The following PTPRT variants were observed in gnomAD, a reference collection of about 807,000 sequenced individuals.
PTPRT encodes the protein receptor-type tyrosine-protein phosphatase T.
Under a neutral mutation model 176.8 loss-of-function variants are expected in PTPRT, and 56 were observed. The ratio of observed to expected loss-of-function variants is 0.32; its 90% CI spans 0.26 to 0.40. The LOEUF (loss-of-function observed/expected upper bound fraction) is 0.40, where lower values mean the gene tolerates loss of function less well. PTPRT is among the 10% of genes least tolerant of loss of function. The pLI is 1.00. For missense variants in PTPRT, 1,540 were observed against 1,908.2 expected, an observed-to-expected ratio of 0.81 and a Z score of 3.60; for synonymous variants, 783 against 739.0, an observed-to-expected ratio of 1.06 and a Z score of -0.96.
At chr20:42,971,701 C>G (rs928006226) in intron 1 of PTPRT, among the ~76,000 whole-genome samples, 1 of 152,174 alleles carries the variant, frequency 6.6e-6, no homozygotes, top group African/African-American at 2.4e-5. Flanking sequence ...CCCCTACCCA[C>G]GGATACCAGG....
intron 1 of PTPRT, among the ~76,000 whole-genome samples, chr20:43,100,867 G>A (rs2146324580): frequency 6.6e-6 from 1 of 151,174 alleles, no homozygotes; most frequent in East Asian, 1.9e-4. Flanking sequence ...ACATAAACGT[G>A]TCTATCACTC....
chr20:42,893,875 T>G lies in PTPRT; in HGVS notation c.89-7943A>C, dbSNP rs374218821. ...GGGGACTGTTGTGGGGTGGGGGGAG[T>G]GGGGAGGGATAGCATTAGGAGATAT... On this transcript the variant is annotated intron_variant, in intron 1 of 30. Coordinates refer to ENST00000373187, the MANE Select transcript of PTPRT (RefSeq NM_007050.6). Among the ~76,000 whole-genome samples, 50 of 134,920 alleles carry G rather than the reference T, an allele frequency of 3.7e-4. 1 individual carries two copies. The highest frequency in any genetic ancestry group is 2.7e-3 in the East Asian group (12 of 4,490). 88.5% of individuals were successfully genotyped at this position (134,920 alleles called of 152,430 possible).
chr20:42,437,509 G>A (rs1183183036), intron 9 of PTPRT, among the ~76,000 whole-genome samples: 3 of 152,190 alleles, frequency 2.0e-5, no homozygotes, highest in Admixed American at 1.3e-4. Context: ...CAAGAAAGCA[G>A]TGAATTTTCT....
chr20:42,196,115 C>A (rs1991208037), intron 16 of PTPRT, among the ~76,000 whole-genome samples: 1 of 152,172 alleles, frequency 6.6e-6, no homozygotes, highest in South Asian at 2.1e-4. Context: ...TGGCCATAAT[C>A]ATTTTGCTTT....
intron 12 of PTPRT, among the ~76,000 whole-genome samples, chr20:42,296,487 G>A (rs2057389485): frequency 6.6e-6 from 1 of 150,706 alleles, no homozygotes; most frequent in Non-Finnish European, 1.5e-5. Flanking sequence ...AAGAACAAAG[G>A]TAACTACTAG....
intron 15 of PTPRT, among the ~76,000 whole-genome samples, chr20:42,206,186 A>G (rs1023587936): frequency 6.6e-6 from 1 of 152,176 alleles, no homozygotes; most frequent in African/African-American, 2.4e-5. Flanking sequence ...GCAAAACTTT[A>G]TTCATCTATG....
chr20:42,558,335 G>A (rs1021723168), intron 7 of PTPRT, among the ~76,000 whole-genome samples: 1 of 152,064 alleles, frequency 6.6e-6, no homozygotes, highest in African/African-American at 2.4e-5. Context: ...CTTTTGTATG[G>A]TACATGTACC....
intron 13 of PTPRT, among the ~76,000 whole-genome samples, chr20:42,274,040 A>G (rs2056984077): frequency 6.6e-6 from 1 of 152,210 alleles, no homozygotes; most frequent in African/African-American, 2.4e-5. Flanking sequence ...TGGATCATGG[A>G]TCTCAGCAAA....
intron 13 of PTPRT, among the ~76,000 whole-genome samples, chr20:42,251,116 G>T (rs1233585098): frequency 1.3e-5 from 2 of 152,216 alleles, no homozygotes; most frequent in African/African-American, 2.4e-5. Flanking sequence ...GAGAATCTCA[G>T]ATCCAAATTT....
intron 1 of PTPRT, among the ~76,000 whole-genome samples, chr20:43,095,416 T>C (rs2012092131): frequency 6.6e-6 from 1 of 152,068 alleles, no homozygotes; most frequent in Non-Finnish European, 1.5e-5. Flanking sequence ...GGGTTCAGAA[T>C]TCAGCACCTG....
intron 7 of PTPRT, among the ~76,000 whole-genome samples, chr20:42,508,127 T>TTTTG (rs1555871977): frequency 5.5e-5 from 8 of 146,614 alleles, no homozygotes; most frequent in Non-Finnish European, 1.2e-4. Context: ...ATTACCCTTT[T>TTTTG]TGTGTGTGTG....
At chr20:43,008,200 GA>G (rs1331479720) in intron 1 of PTPRT, among the ~76,000 whole-genome samples, 1 of 152,160 alleles carries the variant, frequency 6.6e-6, no homozygotes, top group Non-Finnish European at 1.5e-5. Context: ...GAGAGATAAT[GA>G]GATAATGAAA....
Position 42,075,301 on chromosome 20 carries a change from T to C in PTPRT, c.*5578A>G, listed in dbSNP as rs1373507855. The C allele has an allele frequency of 8.6e-6, 2 of 233,412 alleles. No homozygotes were observed. Among genetic ancestry groups the C allele is most frequent in the African/African-American group, 4.4e-5 (2 of 45,364 alleles). The allele number at this position is 233,412 out of a possible 1,614,324, so 14.5% of individuals were successfully genotyped here. A position where few individuals can be genotyped will look rare whatever the true frequency, so the allele number is the denominator to read the frequency against. ...GGGAAGCCAAGTCAGGGATTTGAGA[T>C]GACATGACTATCCACGTTTATGTTT... On this transcript the variant is annotated 3_prime_UTR_variant, in exon 31 of 31. Transcript: ENST00000373187.
At chr20:42,594,197 G>T (rs1409515262) in intron 7 of PTPRT, among the ~76,000 whole-genome samples, 4 of 152,128 alleles carry the variant, frequency 2.6e-5, no homozygotes, top group Non-Finnish European at 5.9e-5. Context: ...TAAGAACAAG[G>T]AGTTCTAAGA....
At chr20:43,147,315 A>T (rs2014198166) in intron 1 of PTPRT, among the ~76,000 whole-genome samples, 1 of 152,186 alleles carries the variant, frequency 6.6e-6, no homozygotes, top group South Asian at 2.1e-4. Context: ...AGCAAAATGG[A>T]AAGCAACAGT....
intron 1 of PTPRT, among the ~76,000 whole-genome samples, chr20:42,916,234 G>A (rs1265124114): frequency 6.0e-5 from 9 of 150,910 alleles, no homozygotes; most frequent in East Asian, 5.9e-4. Flanking sequence ...ATGTCCTTGC[G>A]ATAGTTTACT....
intron 6 of PTPRT, among the ~76,000 whole-genome samples, chr20:42,748,337 C>T (rs2076720422): frequency 6.6e-6 from 1 of 152,176 alleles, no homozygotes; most frequent in Admixed American, 6.5e-5. Flanking sequence ...TCTCTGATCA[C>T]TGGGTGATAT....
At chr20:42,371,097 A>C (rs1354256360) in intron 9 of PTPRT, among the ~76,000 whole-genome samples, 1 of 152,240 alleles carries the variant, frequency 6.6e-6, no homozygotes, top group Non-Finnish European at 1.5e-5. Flanking sequence ...GATTTTGCAC[A>C]ACTTGCAGGA....
chr20:42,515,454 G>A (rs946814279), intron 7 of PTPRT, among the ~76,000 whole-genome samples: 3 of 152,168 alleles, frequency 2.0e-5, no homozygotes, highest in African/African-American at 7.2e-5. Context: ...CTACACTCCA[G>A]CCTGAGTGAC....
Sources: gnomAD v4.1 joint callset for allele counts (sites outside exome capture counted in the v4.1 genomes callset) on GRCh38, gnomAD v4.1.1 for gene constraint, MANE v1.5 for transcripts, NCBI Gene and HGNC (gene_info 2026-07-23, HGNC 2026-07-21) for gene names.